The following DMD variants were observed in gnomAD, a reference collection of about 807,000 sequenced individuals.
DMD encodes dystrophin.
DMD carries 63 observed loss-of-function variants against 330.1 expected under a neutral mutation model. That is an observed-to-expected ratio of 0.19 (90% CI 0.16 to 0.24). The LOEUF (loss-of-function observed/expected upper bound fraction) is 0.24, where lower values mean the gene tolerates loss of function less well. Ranked by LOEUF, DMD falls within the 10% of genes least tolerant of loss-of-function variation. DMD has a pLI of 1.00. For synonymous variants in DMD, 1,223 were observed against 959.8 expected (o/e 1.27, Z -5.07); for missense variants, 3,344 against 2,684.1 (o/e 1.25, Z -5.43).
At chrX:32,150,423 G>A (rs1056589543) in intron 44 of DMD, among the ~76,000 whole-genome samples, 5 of 111,465 alleles carry the variant, frequency 4.5e-5, no homozygotes, top group Admixed American at 9.6e-5. Flanking sequence ...TGCCGGTGCC[G>A]CTGGTGGTGG....
intron 48 of DMD, among the ~76,000 whole-genome samples, chrX:31,866,217 C>A (rs2093796830): frequency 1.8e-5 from 2 of 111,362 alleles, no homozygotes; most frequent in South Asian, 7.6e-4. Flanking sequence ...TCTCTTTGTC[C>A]ATCCATGACA....
At position 31,792,471 on chromosome X, in the gene DMD, A is replaced by G. The variant is rs6628645; in HGVS notation, c.7310-18279T>C. On this transcript the variant is annotated intron_variant, in intron 50 of 78. Transcript: ENST00000357033. ...TTTTACAAAAGGAAATAATAGGTTC[A>G]TGAATGAGAAAGCTGTTTTCTGTCG... Among the ~76,000 whole-genome samples the G allele has an allele frequency of 1.6e-3, 183 of 112,649 alleles. 4 individuals are homozygous for G. In the East Asian group the frequency reaches 0.044, roughly 27 times the overall value.
chrX:31,498,819 A>G (rs776273986), intron 56 of DMD, among the ~76,000 whole-genome samples: 17 of 112,331 alleles, frequency 1.5e-4, no homozygotes, highest in Non-Finnish European at 2.4e-4. Flanking sequence ...ATTTCCCAAG[A>G]ACTGAATCGT....
chrX:32,726,919 T>G (rs1300401185), intron 7 of DMD, among the ~76,000 whole-genome samples: 1 of 110,388 alleles, frequency 9.1e-6, no homozygotes, highest in East Asian at 2.8e-4. Flanking sequence ...ATGACTACCA[T>G]GACGATAAAG....
At chrX:33,318,144 A>C (rs932182707) in intron 1 of DMD, among the ~76,000 whole-genome samples, 3 of 111,118 alleles carry the variant, frequency 2.7e-5, no homozygotes, top group African/African-American at 9.8e-5. Context: ...CTAAAAACTT[A>C]TCATTTTTTG....
At chrX:32,681,357 C>T (rs901105961) in intron 9 of DMD, among the ~76,000 whole-genome samples, 21 of 111,254 alleles carry the variant, frequency 1.9e-4, no homozygotes, top group African/African-American at 5.9e-4. Flanking sequence ...TACGATCTCT[C>T]CAATCACTGA....
intron 2 of DMD, among the ~76,000 whole-genome samples, chrX:32,857,040 A>G (rs1410083886): frequency 9.3e-6 from 1 of 107,866 alleles, no homozygotes; most frequent in Non-Finnish European, 1.9e-5. Context: ...GCATCACTGC[A>G]CTCCACCCTG....
intron 7 of DMD, among the ~76,000 whole-genome samples, chrX:32,700,195 C>A (rs1158223946): frequency 9.0e-6 from 1 of 111,305 alleles, no homozygotes; most frequent in Non-Finnish European, 1.9e-5. Flanking sequence ...CACATAAGTT[C>A]TGACTATGAA....
intron 44 of DMD, among the ~76,000 whole-genome samples, chrX:32,083,329 G>A (rs1395078927): frequency 9.1e-6 from 1 of 109,389 alleles, no homozygotes; most frequent in Non-Finnish European, 1.9e-5. Flanking sequence ...GGCTGGAGTG[G>A]AGTGGCAGGA....
At chrX:32,129,729 G>GAC (rs2097261289) in intron 44 of DMD, among the ~76,000 whole-genome samples, 1 of 9,393 alleles carries the variant, frequency 1.1e-4, no homozygotes, top group Non-Finnish European at 3.4e-4. Flanking sequence ...GAGAGGGAGG[G>GAC]AGAGAGAGAG....
intron 30 of DMD, among the ~76,000 whole-genome samples, chrX:32,390,685 T>C (rs1197175949): frequency 9.0e-6 from 1 of 110,892 alleles, no homozygotes; most frequent in Non-Finnish European, 1.9e-5. Flanking sequence ...CTTTTTATTT[T>C]ATTTTATTTT....
chrX:32,488,800 G>A (rs1363474383), intron 20 of DMD, among the ~76,000 whole-genome samples: 2 of 111,228 alleles, frequency 1.8e-5, no homozygotes, highest in Admixed American at 1.9e-4. Flanking sequence ...GAAGTCATTG[G>A]TTTGTCTCCT....
chrX:32,834,648 T>C (rs1199423644), intron 4 of DMD, among the ~76,000 whole-genome samples: 1 of 111,683 alleles, frequency 9.0e-6, no homozygotes, highest in Admixed American at 9.6e-5. Context: ...ATTTAATGTA[T>C]AGCAATGACT....
chrX:32,890,560 A>G (rs777108349), intron 2 of DMD, among the ~76,000 whole-genome samples: 2 of 111,147 alleles, frequency 1.8e-5, no homozygotes, highest in East Asian at 5.7e-4. Flanking sequence ...TTTCCTATCC[A>G]ACTCCAAAAG....
intron 60 of DMD, among the ~76,000 whole-genome samples, chrX:31,396,137 A>ATTTT (rs773913224): frequency 2.2e-5 from 2 of 89,997 alleles, no homozygotes; most frequent in African/African-American, 4.5e-5. Context: ...AAAGATGACA[A>ATTTT]TTTTTTTTTT....
chrX:33,304,843 A>G (rs1259879707), intron 1 of DMD, among the ~76,000 whole-genome samples: 6 of 103,875 alleles, frequency 5.8e-5, no homozygotes, highest in African/African-American at 2.1e-4. Context: ...CCATCAGAGA[A>G]ATGCAAATCA....
intron 2 of DMD, among the ~76,000 whole-genome samples, chrX:32,972,692 G>A (rs1156778169): frequency 1.8e-5 from 2 of 111,965 alleles, no homozygotes; most frequent in Non-Finnish European, 3.8e-5. Flanking sequence ...TTCAAATCCT[G>A]ACTTTAACAT....
chrX:32,413,276 A>G (rs2098151381), intron 29 of DMD, among the ~76,000 whole-genome samples: 1 of 110,829 alleles, frequency 9.0e-6, no homozygotes, highest in Non-Finnish European at 1.9e-5. Flanking sequence ...ACTCCCACAC[A>G]TGAACTCCTT....
chrX:33,194,651 G>T (rs1265316006), intron 1 of DMD, among the ~76,000 whole-genome samples: 1 of 110,287 alleles, frequency 9.1e-6, no homozygotes, highest in Non-Finnish European at 1.9e-5. Context: ...AGTTACTATG[G>T]TCTTATTAGT....
Sources: gnomAD v4.1 joint callset for allele counts (sites outside exome capture counted in the v4.1 genomes callset) on GRCh38, gnomAD v4.1.1 for gene constraint, MANE v1.5 for transcripts, NCBI Gene and HGNC (gene_info 2026-07-23, HGNC 2026-07-21) for gene names.